The following PTPRK variants were observed in gnomAD, a reference collection of about 807,000 sequenced individuals.
PTPRK encodes protein tyrosine phosphatase receptor type K, also known as receptor-type tyrosine-protein phosphatase kappa.
Under a neutral mutation model 178.0 loss-of-function variants are expected in PTPRK, and 75 were observed. The ratio of observed to expected loss-of-function variants is 0.42; its 90% CI spans 0.35 to 0.51. PTPRK has a LOEUF of 0.51. Among genes scored for constraint, PTPRK ranks in the 20% least tolerant of loss-of-function variants. PTPRK has a pLI of 0.02. For missense variants in PTPRK, 1,441 were observed against 1,797.8 expected (o/e 0.80, Z 3.59); for synonymous variants, 637 against 620.6 (o/e 1.03, Z -0.39).
At position 128,386,277 on chromosome 6, in the gene PTPRK, TAAG is replaced by T. The variant is rs374118865; in HGVS notation, c.223+11286_223+11288del. Among the ~76,000 whole-genome samples, 147 of 152,332 alleles carry T rather than the reference TAAG, an allele frequency of 9.6e-4. 1 individual carries two copies. Among genetic ancestry groups the T allele is most frequent in the African/African-American group, 3.2e-3 (135 of 41,578 alleles). On this transcript the variant is annotated intron_variant, in intron 2 of 29. Transcript: ENST00000368226. ...AAATCAAGTGTACAAATTGTTTGATTAAGAAGAACTTTTTTACTAAAACACATA... is the reference window on the plus strand; with the variant it reads ...AAATCAAGTGTACAAATTGTTTGATTAAGAACTTTTTTACTAAAACACATA...
At position 128,078,863 on chromosome 6, in the gene PTPRK, G is replaced by C. The variant is rs751581991; in HGVS notation, c.1833C>G (p.Thr611=). 1 of 1,612,326 alleles carries C rather than the reference G, an allele frequency of 6.2e-7. No homozygotes were observed. Among genetic ancestry groups the C allele is most frequent in the South Asian group, 1.1e-5 (1 of 91,022 alleles). The change falls in exon 11 of 30, where the codon ACC becomes ACG. Residue 611 remains threonine, a synonymous_variant. Coordinates refer to ENST00000368226, the MANE Select transcript of PTPRK (RefSeq NM_002844.4). The part of the protein sequence containing the change: ...GVDASLNETA[T]TITVLLRPAQ... ...CTGGTCTCAACAATACAGTTATTGT[G>C]GTGGCAGTTTCATTGAGAGAGGCAT...
intron 1 of PTPRK, among the ~76,000 whole-genome samples, chr6:128,460,619 G>A (rs1848937760): frequency 6.6e-6 from 1 of 152,114 alleles, no homozygotes. Flanking sequence ...GCCAATTTGG[G>A]GGTGTTCCTT....
intron 5 of PTPRK, chr6:128,238,185 CAAAA>C (rs58051125): frequency 4.8e-3 from 984 of 204,024 alleles, no homozygotes; most frequent in East Asian, 6.5e-3. Context: ...TAGCAAACGC[CAAAA>C]AAAAAAAAAA....
chr6:128,008,954 C>A (rs1778744674), intron 14 of PTPRK, among the ~76,000 whole-genome samples, 176 bp downstream of exon 14: 1 of 151,078 alleles, frequency 6.6e-6, no homozygotes, highest in South Asian at 2.1e-4. Context: ...CTGCAAATAA[C>A]CAAATAAGAA....
At chr6:128,262,448 T>C (rs1818312857) in intron 3 of PTPRK, among the ~76,000 whole-genome samples, 1 of 152,178 alleles carries the variant, frequency 6.6e-6, no homozygotes, top group South Asian at 2.1e-4. Context: ...AGAAATGAGT[T>C]ATTTTAAAGA....
At chr6:128,109,973 A>G (rs1187886559) in intron 7 of PTPRK, among the ~76,000 whole-genome samples, 1 of 152,070 alleles carries the variant, frequency 6.6e-6, no homozygotes, top group African/African-American at 2.4e-5. Flanking sequence ...TGGCTCAATC[A>G]TAGCTCACCT....
intron 1 of PTPRK, among the ~76,000 whole-genome samples, chr6:128,485,193 A>G (rs1852631563): frequency 6.6e-6 from 1 of 152,210 alleles, no homozygotes; most frequent in African/African-American, 2.4e-5. Flanking sequence ...GTGGCAATCA[A>G]CCCATAATCA....
chr6:127,988,175 G>A (rs1223851216), intron 21 of PTPRK, among the ~76,000 whole-genome samples: 1 of 151,958 alleles, frequency 6.6e-6, no homozygotes, highest in African/African-American at 2.4e-5. Flanking sequence ...CAATATGTGT[G>A]TGCATGGGGA....
intron 15 of PTPRK, among the ~76,000 whole-genome samples, chr6:128,003,514 T>C (rs1431702613): frequency 6.6e-6 from 1 of 151,880 alleles, no homozygotes; most frequent in African/African-American, 2.4e-5. Flanking sequence ...CCATGTATTT[T>C]AGATCTATCA....
intron 1 of PTPRK, among the ~76,000 whole-genome samples, chr6:128,408,218 T>A (rs1841917890): frequency 6.6e-6 from 1 of 152,074 alleles, no homozygotes; most frequent in Non-Finnish European, 1.5e-5. Flanking sequence ...TGAAACCCCA[T>A]CTCTACTAAA....
intron 7 of PTPRK, among the ~76,000 whole-genome samples, chr6:128,113,551 A>T (rs1416986522): frequency 1.3e-5 from 2 of 150,588 alleles, no homozygotes; most frequent in East Asian, 3.8e-4. Context: ...TTTTATAAGT[A>T]TTATAAATAA....
intron 1 of PTPRK, among the ~76,000 whole-genome samples, chr6:128,438,821 C>A (rs1331307456): frequency 1.3e-5 from 2 of 152,094 alleles, no homozygotes; most frequent in African/African-American, 4.8e-5. Flanking sequence ...TAATGGGCAG[C>A]ATTTACAGAG....
chr6:128,322,030 G>T lies in PTPRK; in HGVS notation c.495+9C>A. The T allele has an allele frequency of 1.2e-6, 2 of 1,613,812 alleles. No homozygotes were observed. The highest frequency in any genetic ancestry group is 1.7e-6 in the Non-Finnish European group (2 of 1,179,880). On this transcript the variant is annotated intron_variant, in intron 3 of 29. Coordinates refer to ENST00000368226, the MANE Select transcript of PTPRK (RefSeq NM_002844.4). ...TCAAAACATACACCAGAAAAGTACAGATGATTACCTGATATTCATTGGGCC... is the reference window on the plus strand; with the variant it reads ...TCAAAACATACACCAGAAAAGTACATATGATTACCTGATATTCATTGGGCC...
At chr6:128,382,060 G>A (rs1450464594) in intron 2 of PTPRK, among the ~76,000 whole-genome samples, 1 of 147,210 alleles carries the variant, frequency 6.8e-6, no homozygotes, top group Non-Finnish European at 1.5e-5. Context: ...GCACACACCT[G>A]TAGTCCCACT....
chr6:128,169,443 A>G (rs1034627455), intron 7 of PTPRK, among the ~76,000 whole-genome samples: 3 of 152,048 alleles, frequency 2.0e-5, no homozygotes, highest in Admixed American at 1.3e-4. Flanking sequence ...ATTGCTATAG[A>G]TCAATCTCTT....
At position 128,029,795 on chromosome 6, in the gene PTPRK, T is replaced by C. The variant is rs191512220; in HGVS notation, c.2195-20527A>G. Reference sequence around the variant, plus strand: ...TCTTCAAAATACTTGTAAAGCATCATGATCCAGATGTGCTGGAGATTGAGG... The same window carrying C: ...TCTTCAAAATACTTGTAAAGCATCACGATCCAGATGTGCTGGAGATTGAGG... On this transcript the variant is annotated intron_variant, in intron 13 of 29. Transcript: ENST00000368226. Among the ~76,000 whole-genome samples the C allele has an allele frequency of 3.2e-3, 483 of 152,178 alleles. 2 individuals are homozygous for C. The highest frequency in any genetic ancestry group is 0.01 in the African/African-American group (435 of 41,554).
intron 7 of PTPRK, among the ~76,000 whole-genome samples, chr6:128,119,374 C>T (rs555178752): frequency 6.6e-6 from 1 of 151,816 alleles, no homozygotes; most frequent in East Asian, 1.9e-4. Context: ...CCCAATTTTA[C>T]TCTCCAATGA....
intron 2 of PTPRK, among the ~76,000 whole-genome samples, chr6:128,384,225 T>C (rs74867513): frequency 0.01 from 1,560 of 152,336 alleles, 27 homozygotes; most frequent in African/African-American, 0.036. Context: ...CTCATAGATA[T>C]GTTCCACACG....
chr6:128,129,605 T>C (rs1311208357), intron 7 of PTPRK, among the ~76,000 whole-genome samples: 3 of 152,136 alleles, frequency 2.0e-5, no homozygotes, highest in Non-Finnish European at 2.9e-5. Flanking sequence ...GCCATCACTT[T>C]TCTGAGATAC....
Sources: allele counts gnomAD v4.1 joint callset (sites outside exome capture counted in the v4.1 genomes callset), GRCh38; gene constraint gnomAD v4.1.1; transcripts MANE v1.5; gene names NCBI Gene and HGNC (gene_info 2026-07-23, HGNC 2026-07-21).